The following DDX10 variants were observed in gnomAD, a reference collection of about 807,000 sequenced individuals.
DDX10 encodes DEAD-box helicase 10.
A neutral mutation model predicts 104.3 loss-of-function variants in DDX10; 74 were observed. The ratio of observed to expected loss-of-function variants is 0.71; its 90% CI spans 0.59 to 0.86. The LOEUF (loss-of-function observed/expected upper bound fraction) is 0.86, where lower values mean the gene tolerates loss of function less well. DDX10 is among the 40% of genes least tolerant of loss of function. The pLI, the probability that DDX10 is intolerant of heterozygous loss-of-function variation, is 0.00. For missense variants in DDX10, 952 were observed against 1,040.0 expected, an observed-to-expected ratio of 0.92 and a Z score of 1.16; for synonymous variants, 351 against 353.4, an observed-to-expected ratio of 0.99 and a Z score of 0.08.
intron 16 of DDX10, among the ~76,000 whole-genome samples, chr11:108,897,084 G>A (rs1863451583): frequency 6.6e-6 from 1 of 152,024 alleles, no homozygotes; most frequent in African/African-American, 2.4e-5. Context: ...TTAAACTGAA[G>A]GTACCTTCCA....
intron 15 of DDX10, among the ~76,000 whole-genome samples, chr11:108,848,141 T>A (rs553833693): frequency 7.2e-5 from 11 of 152,324 alleles, no homozygotes; most frequent in African/African-American, 2.6e-4. Context: ...CATTGATCTC[T>A]AATAAATTAA....
At chr11:108,748,703 T>C (rs553788489) in intron 13 of DDX10, among the ~76,000 whole-genome samples, 1 of 152,084 alleles carries the variant, frequency 6.6e-6, no homozygotes, top group East Asian at 1.9e-4. Context: ...TTTTAAGAAG[T>C]GGAGTCTTGT....
chr11:108,932,910 GATA>G (rs1355478593), intron 17 of DDX10, among the ~76,000 whole-genome samples: 3 of 151,984 alleles, frequency 2.0e-5, no homozygotes, highest in Non-Finnish European at 2.9e-5. Context: ...TAAAGTCCAG[GATA>G]ATGAGGGGAG....
intron 15 of DDX10, among the ~76,000 whole-genome samples, chr11:108,848,317 G>T (rs767452497): frequency 6.6e-5 from 10 of 152,130 alleles, no homozygotes; most frequent in Non-Finnish European, 1.5e-4. Flanking sequence ...CCAGAGACTG[G>T]TCTGGCTCAC....
chr11:108,921,290 A>G (rs1266542256), intron 17 of DDX10: 1 of 152,216 alleles, frequency 6.6e-6, no homozygotes. Context: ...GGAAGATTGT[A>G]TATACTAGAA....
At chr11:108,807,383 C>T (rs183188435) in intron 13 of DDX10, among the ~76,000 whole-genome samples, 1 of 151,946 alleles carries the variant, frequency 6.6e-6, no homozygotes, top group East Asian at 1.9e-4. Context: ...CAATGTCAAG[C>T]CAGGTGAGAG....
intron 13 of DDX10, among the ~76,000 whole-genome samples, chr11:108,740,226 CAT>C (rs1239201032): frequency 1.3e-5 from 2 of 152,066 alleles, no homozygotes; most frequent in African/African-American, 2.4e-5. Context: ...TAAGTGAGAA[CAT>C]GTGGTATTTG....
At chr11:108,838,927 GCTT>G (rs1420545791) in intron 14 of DDX10, among the ~76,000 whole-genome samples, 4 of 152,154 alleles carry the variant, frequency 2.6e-5, no homozygotes, top group South Asian at 2.1e-4. Flanking sequence ...ACTCAGAAAA[GCTT>G]CTGCTTTGCA....
intron 16 of DDX10, among the ~76,000 whole-genome samples, chr11:108,858,494 C>T (rs1363991921): frequency 2.6e-5 from 4 of 152,188 alleles, no homozygotes; most frequent in African/African-American, 9.7e-5. Flanking sequence ...CCGGGGCCTG[C>T]AGAATACAGT....
At chr11:108,689,518 C>T (rs542048643) in intron 7 of DDX10, among the ~76,000 whole-genome samples, 1 of 152,348 alleles carries the variant, frequency 6.6e-6, no homozygotes, top group Non-Finnish European at 1.5e-5. Flanking sequence ...AATGTTATGC[C>T]TGAAAGTCCC....
chr11:108,923,067 C>T (rs149575098), intron 17 of DDX10, among the ~76,000 whole-genome samples: 1 of 152,296 alleles, frequency 6.6e-6, no homozygotes, highest in African/African-American at 2.4e-5. Flanking sequence ...CTCTGGCTTT[C>T]ACCTCTCATT....
intron 1 of DDX10, among the ~76,000 whole-genome samples, chr11:108,672,822 C>G (rs2094218779): frequency 6.6e-6 from 1 of 152,166 alleles, no homozygotes; most frequent in African/African-American, 2.4e-5. Flanking sequence ...TAAAGAACAT[C>G]AGTAATGAAT....
chr11:108,839,691 C>T (rs754345239), intron 14 of DDX10, among the ~76,000 whole-genome samples: 5 of 152,036 alleles, frequency 3.3e-5, no homozygotes, highest in East Asian at 1.9e-4. Flanking sequence ...ATAAATCAGA[C>T]GAAAAGTCAC....
chr11:108,768,803 C>T (rs1294978218), intron 13 of DDX10, among the ~76,000 whole-genome samples: 3 of 151,896 alleles, frequency 2.0e-5, no homozygotes, highest in Non-Finnish European at 4.4e-5. Context: ...CCTATTTCCT[C>T]GTCTTTTTTT....
At chr11:108,795,900 T>A (rs1020341601) in intron 13 of DDX10, among the ~76,000 whole-genome samples, 7 of 152,204 alleles carry the variant, frequency 4.6e-5, no homozygotes, top group African/African-American at 1.7e-4. Flanking sequence ...TAGTTCTAGA[T>A]CCTTGAGGAA....
chr11:108,804,223 C>T (rs990135308), intron 13 of DDX10, among the ~76,000 whole-genome samples: 14 of 152,122 alleles, frequency 9.2e-5, no homozygotes, highest in African/African-American at 3.1e-4. Context: ...CAAGGCCAGG[C>T]ATGTTGGCTG....
intron 13 of DDX10, among the ~76,000 whole-genome samples, chr11:108,776,787 G>A (rs1043233374): frequency 6.6e-6 from 1 of 152,190 alleles, no homozygotes; most frequent in African/African-American, 2.4e-5. Flanking sequence ...TTTGTGAGAA[G>A]GTGGTCTAAA....
intron 17 of DDX10, among the ~76,000 whole-genome samples, chr11:108,939,230 A>G (rs1864073641): frequency 6.6e-6 from 1 of 152,192 alleles, no homozygotes; most frequent in African/African-American, 2.4e-5. Context: ...TGGCATTTAA[A>G]TGTTGACTGA....
chr11:108,792,831 G>A (rs192145242), intron 13 of DDX10, among the ~76,000 whole-genome samples: 12 of 152,122 alleles, frequency 7.9e-5, no homozygotes, highest in African/African-American at 2.6e-4. Flanking sequence ...CAATTTGTTG[G>A]CATCTTGAGA....
Sources: allele counts gnomAD v4.1 joint callset (sites outside exome capture counted in the v4.1 genomes callset), GRCh38; gene constraint gnomAD v4.1.1; transcripts MANE v1.5; gene names NCBI Gene and HGNC (gene_info 2026-07-23, HGNC 2026-07-21).